SDCCAG8: variants seen among roughly 807,000 people sequenced by gnomAD.
SDCCAG8 encodes the protein SHH signaling and ciliogenesis regulator SDCCAG8, also known as serologically defined colon cancer antigen 8.
SDCCAG8 carries 74 observed loss-of-function variants against 101.8 expected under a neutral mutation model. The observed-to-expected ratio is 0.73, with a 90% CI of 0.60 to 0.88. The LOEUF (loss-of-function observed/expected upper bound fraction) is 0.88. Ranked by LOEUF, SDCCAG8 falls within the 40% of genes least tolerant of loss-of-function variation. The pLI, the probability that SDCCAG8 is intolerant of heterozygous loss-of-function variation, is 0.00. For synonymous variants in SDCCAG8, 281 were observed against 292.9 expected (o/e 0.96, Z 0.41); for missense variants, 787 against 822.6 (o/e 0.96, Z 0.53).
intron 12 of SDCCAG8, among the ~76,000 whole-genome samples, chr1:243,346,408 G>C (rs1054744819): frequency 8.5e-5 from 13 of 152,172 alleles, no homozygotes; most frequent in African/African-American, 3.1e-4. Context: ...GCTATCTGTA[G>C]GTTTGCAAAC....
chr1:243,259,363 C>T (rs1347500743), intron 1 of SDCCAG8, among the ~76,000 whole-genome samples: 9 of 151,786 alleles, frequency 5.9e-5, no homozygotes, highest in African/African-American at 2.2e-4. Context: ...GCCGAGATCG[C>T]GCCACTGCAC....
intron 11 of SDCCAG8, among the ~76,000 whole-genome samples, chr1:243,342,648 T>G (rs4658559): frequency 0.67 from 101,545 of 152,082 alleles, 35,071 homozygotes; most frequent in East Asian, 0.97. Flanking sequence ...GACATAAATA[T>G]TAATAGTGAA....
At chr1:243,317,959 C>T (rs1379914712) in intron 9 of SDCCAG8, 3 of 432,302 alleles carry the variant, frequency 6.9e-6, no homozygotes, top group Non-Finnish European at 1.4e-5. Context: ...AATATTAGGG[C>T]TACATTACTG....
intron 10 of SDCCAG8, among the ~76,000 whole-genome samples, chr1:243,333,891 T>C (rs930516715): frequency 1.3e-5 from 2 of 152,194 alleles, no homozygotes; most frequent in Non-Finnish European, 2.9e-5. Flanking sequence ...TAGGTGTCTT[T>C]AGCAGTACTA....
At chr1:243,409,365 A>G (rs1192819634) in intron 13 of SDCCAG8, among the ~76,000 whole-genome samples, 2 of 152,198 alleles carry the variant, frequency 1.3e-5, no homozygotes, top group Admixed American at 6.6e-5. Context: ...ATGTGTATGC[A>G]TATATTCATA....
At chr1:243,266,176 A>G (rs2067567260) in intron 1 of SDCCAG8, among the ~76,000 whole-genome samples, 1 of 152,244 alleles carries the variant, frequency 6.6e-6, no homozygotes, top group East Asian at 1.9e-4. Context: ...TTCTGTGATG[A>G]GAACATCAAT....
chr1:243,309,490 C>T (rs1208166059), intron 8 of SDCCAG8, among the ~76,000 whole-genome samples: 1 of 152,192 alleles, frequency 6.6e-6, no homozygotes, highest in Non-Finnish European at 1.5e-5. Flanking sequence ...ATGGCTAACT[C>T]ACTCAGGTTG....
At chr1:243,448,891 T>C (rs1337063636) in intron 16 of SDCCAG8, among the ~76,000 whole-genome samples, 3 of 152,236 alleles carry the variant, frequency 2.0e-5, no homozygotes, top group African/African-American at 7.2e-5. Flanking sequence ...TTTATCATCC[T>C]TTTTATCTCC....
intron 10 of SDCCAG8, among the ~76,000 whole-genome samples, chr1:243,337,747 G>A (rs1203404129): frequency 2.6e-5 from 4 of 152,124 alleles, no homozygotes; most frequent in African/African-American, 9.7e-5. Context: ...AAGAGAGACG[G>A]AGCCTTCTTG....
At chr1:243,422,701 T>A (rs1274636023) in intron 15 of SDCCAG8, among the ~76,000 whole-genome samples, 1 of 152,234 alleles carries the variant, frequency 6.6e-6, no homozygotes, top group East Asian at 1.9e-4. Context: ...GATATTGGCC[T>A]CTGCTAATTG....
chr1:243,495,921 G>A (rs1667739650), intron 17 of SDCCAG8, among the ~76,000 whole-genome samples: 1 of 152,150 alleles, frequency 6.6e-6, no homozygotes, highest in Non-Finnish European at 1.5e-5. Context: ...TGGACTTTGA[G>A]GTCAAACTGC....
intron 5 of SDCCAG8, among the ~76,000 whole-genome samples, chr1:243,291,516 C>A (rs1279855837): frequency 1.3e-5 from 2 of 152,184 alleles, no homozygotes; most frequent in African/African-American, 2.4e-5. Context: ...TACTCTTCTT[C>A]CTTTTTGAAT....
chr1:243,497,611 G>A (rs1192005911), intron 17 of SDCCAG8, among the ~76,000 whole-genome samples: 1 of 152,180 alleles, frequency 6.6e-6, no homozygotes, highest in Admixed American at 6.5e-5. Flanking sequence ...GGAGCCCACA[G>A]GCATTATGTA....
At chr1:243,352,124 T>G (rs1195302639) in intron 12 of SDCCAG8, among the ~76,000 whole-genome samples, 1 of 152,206 alleles carries the variant, frequency 6.6e-6, no homozygotes, top group East Asian at 1.9e-4. Context: ...ATAATGCTGT[T>G]TAACATAATA....
chr1:243,298,371 T>TC (rs1376664828), intron 6 of SDCCAG8, among the ~76,000 whole-genome samples: 1 of 149,658 alleles, frequency 6.7e-6, no homozygotes, highest in Admixed American at 6.7e-5. Flanking sequence ...TTTTTTTTTT[T>TC]TTTGAGACAG....
At chr1:243,360,842 A>G (rs2076668995) in intron 12 of SDCCAG8, among the ~76,000 whole-genome samples, 1 of 151,902 alleles carries the variant, frequency 6.6e-6, no homozygotes, top group Non-Finnish European at 1.5e-5. Context: ...AAAACAAAAC[A>G]AAAAAACAAA....
chr1:243,344,936 A>G (rs1419985100), intron 12 of SDCCAG8, among the ~76,000 whole-genome samples: 1 of 152,220 alleles, frequency 6.6e-6, no homozygotes, highest in Non-Finnish European at 1.5e-5. Context: ...TTAGTTGACA[A>G]CATGGATAAA....
At chr1:243,345,473 G>A (rs541078835) in intron 12 of SDCCAG8, among the ~76,000 whole-genome samples, 5 of 152,256 alleles carry the variant, frequency 3.3e-5, no homozygotes, top group East Asian at 1.9e-4. Flanking sequence ...AGTTGGGGGC[G>A]TGCCTGATAG....
chr1:243,440,152 T>C lies in SDCCAG8; in HGVS notation c.1985+13594T>C, dbSNP rs150251069. Among the ~76,000 whole-genome samples the C allele has an allele frequency of 4.0e-3, 609 of 152,240 alleles. 3 individuals are homozygous for C. Among genetic ancestry groups the C allele is most frequent in the African/African-American group, 0.014 (580 of 41,528 alleles). On this transcript the variant is annotated intron_variant, in intron 16 of 17. Coordinates refer to ENST00000366541, the MANE Select transcript of SDCCAG8 (RefSeq NM_006642.5). ...CCTGGGTGAGTCAGTGTCTTCATTA[T>C]AGGAGAGAAAAACGGAAAAGGTCCC...
Sources: allele counts gnomAD v4.1 joint callset (sites outside exome capture counted in the v4.1 genomes callset), GRCh38; gene constraint gnomAD v4.1.1; transcripts MANE v1.5; gene names NCBI Gene and HGNC (gene_info 2026-07-23, HGNC 2026-07-21).